The following ANKRD55 variants were observed in gnomAD, a reference collection of about 807,000 sequenced individuals.
ANKRD55 encodes ankyrin repeat domain 55, also known as ankyrin repeat domain-containing protein 55.
In ANKRD55, 41 loss-of-function variants were observed where a neutral mutation model predicts 60.6. The ratio of observed to expected loss-of-function variants is 0.68; its 90% CI spans 0.53 to 0.88. The LOEUF (loss-of-function observed/expected upper bound fraction) is 0.88, where lower values mean the gene tolerates loss of function less well. ANKRD55 is among the 40% of genes least tolerant of loss of function. The probability of loss-of-function intolerance (pLI) is 0.00; values close to 1 mark genes in which losing one functional copy is unlikely to be tolerated. For missense variants in ANKRD55, 732 were observed against 767.6 expected (o/e 0.95, Z 0.55); for synonymous variants, 264 against 290.3 (o/e 0.91, Z 0.92).
chr5:56,192,793 C>A, intron 2 of ANKRD55: 2 of 921,220 alleles, frequency 2.2e-6, no homozygotes, highest in Non-Finnish European at 1.7e-6. Context: ...TCGCTGAAAA[C>A]CTCTATTAGC....
At chr5:56,120,635 C>T (rs1273132563) in intron 8 of ANKRD55, among the ~76,000 whole-genome samples, 1 of 152,170 alleles carries the variant, frequency 6.6e-6, no homozygotes, top group Admixed American at 6.5e-5. Context: ...CATGGTGGCT[C>T]ACACCTGTAA....
intron 4 of ANKRD55, among the ~76,000 whole-genome samples, chr5:56,175,698 C>A (rs1352469597): frequency 6.6e-6 from 1 of 152,070 alleles, no homozygotes; most frequent in African/African-American, 2.4e-5. Flanking sequence ...ATCTTCCAGT[C>A]CCTCCCACCA....
At chr5:56,205,640 C>G (rs1244458128) in intron 2 of ANKRD55, among the ~76,000 whole-genome samples, 3 of 152,104 alleles carry the variant, frequency 2.0e-5, no homozygotes, top group Non-Finnish European at 4.4e-5. Flanking sequence ...GAGAACCAAA[C>G]AGTGAATCTT....
intron 10 of ANKRD55, among the ~76,000 whole-genome samples, chr5:56,109,074 CACACA>C (rs753486169): frequency 1.8e-4 from 27 of 146,162 alleles, no homozygotes; most frequent in African/African-American, 2.7e-4. Context: ...CACACACACA[CACACA>C]CCCCACCGCC....
At chr5:56,146,991 G>A (rs1236135192) in intron 6 of ANKRD55, 3 of 152,162 alleles carry the variant, frequency 2.0e-5, no homozygotes, top group African/African-American at 4.8e-5. Flanking sequence ...TACAGTTTCA[G>A]ACTTTAAGAG....
intron 6 of ANKRD55, among the ~76,000 whole-genome samples, chr5:56,150,684 G>C (rs2111774489): frequency 6.6e-6 from 1 of 152,206 alleles, no homozygotes. Context: ...AATCATTTGA[G>C]GTCAGGAGTT....
At chr5:56,107,436 G>T (rs1035400451) in intron 10 of ANKRD55, among the ~76,000 whole-genome samples, 2 of 152,072 alleles carry the variant, frequency 1.3e-5, no homozygotes, top group African/African-American at 4.8e-5. Flanking sequence ...CACGTTTATT[G>T]AATTTCTTTT....
At chr5:56,181,984 A>ATT (rs895454255) in intron 3 of ANKRD55, among the ~76,000 whole-genome samples, 2 of 150,156 alleles carry the variant, frequency 1.3e-5, no homozygotes, top group African/African-American at 4.9e-5. Context: ...CTATAGGCTT[A>ATT]TTTTTTTTTT....
chr5:56,120,437 C>T (rs530575475), intron 8 of ANKRD55, among the ~76,000 whole-genome samples: 4 of 152,348 alleles, frequency 2.6e-5, no homozygotes, highest in South Asian at 4.1e-4. Flanking sequence ...TGACTTTGTG[C>T]TCAACCTCAG....
At chr5:56,228,533 C>G (rs983005052) in intron 2 of ANKRD55, among the ~76,000 whole-genome samples, 4 of 151,744 alleles carry the variant, frequency 2.6e-5, no homozygotes, top group African/African-American at 9.7e-5. Context: ...TCAAGCAATT[C>G]TTGTGCCTCA....
rs1392917711 is a variant in ANKRD55 at position 56,183,626 on chromosome 5, A to G, written c.67T>C (p.Ser23Pro). 5 of 1,614,128 alleles carry G rather than the reference A, an allele frequency of 3.1e-6. No individual in the cohort carries two copies. The highest frequency in any genetic ancestry group is 1.7e-5 in the Admixed American group (1 of 60,012). Residue 23 changes from serine to proline, a missense_variant, in exon 3 of 12, where the codon TCT becomes CCT. Around this residue, in one of 3 missense-constraint regions of ANKRD55, gnomAD observed 131 missense variants for 142.7 expected, o/e 0.92. Coordinates refer to ENST00000341048, the MANE Select transcript of ANKRD55 (RefSeq NM_024669.3). ...ACCATGGTCAGGTCAACTTCCTCAGATGAGTCACCTTCATGCATAAAACAG... is the reference window on the plus strand; with the variant it reads ...ACCATGGTCAGGTCAACTTCCTCAGGTGAGTCACCTTCATGCATAAAACAG... ...SVFDQQRGDS[S>P]EEVDLTMVYQ...
intron 6 of ANKRD55, among the ~76,000 whole-genome samples, chr5:56,158,442 G>A (rs1211490061): frequency 6.6e-6 from 1 of 152,156 alleles, no homozygotes; most frequent in Admixed American, 6.5e-5. Context: ...GCCTGGCTAA[G>A]GAAAATTAGT....
intron 8 of ANKRD55, among the ~76,000 whole-genome samples, chr5:56,123,598 A>G: frequency 6.6e-6 from 1 of 152,138 alleles, no homozygotes; most frequent in Non-Finnish European, 1.5e-5. Context: ...TGTATTGCCA[A>G]TAAATTCAGC....
rs778109561 is a variant in ANKRD55, at chr5:56,100,197, T to C, written c.1831A>G (p.Ser611Gly). ...GTGGCCCACAGTTAATTTTCATCAC[T>C]GGTGGGGTTGGCAGAATGTTCACTC... ...EESEHSANPT[S>G]DEN The change falls in exon 12 of 12, where the codon AGT (serine) becomes GGT (glycine). Residue 611 changes from serine to glycine, a missense_variant. Ser to Gly is a moderately conservative substitution (Grantham distance 56). Coordinates refer to ENST00000341048, the MANE Select transcript of ANKRD55 (RefSeq NM_024669.3). 1.2e-6 allele frequency: 2 copies of C among 1,614,174 alleles called. No homozygotes were observed. Among genetic ancestry groups the C allele is most frequent in the Non-Finnish European group, 1.7e-6 (2 of 1,180,018 alleles).
intron 2 of ANKRD55, among the ~76,000 whole-genome samples, chr5:56,228,208 T>A (rs77029384): frequency 0.039 from 5,949 of 151,864 alleles, 151 homozygotes; most frequent in African/African-American, 0.074. Context: ...AGAGGAGGAG[T>A]TTATCCTGGA....
At chr5:56,153,807 G>A (rs893296489) in intron 6 of ANKRD55, among the ~76,000 whole-genome samples, 7 of 149,048 alleles carry the variant, frequency 4.7e-5, no homozygotes, top group South Asian at 2.1e-4. Flanking sequence ...ATTGTACTCC[G>A]GCCTGGACAG....
rs181148822 is a variant in ANKRD55, at chr5:56,104,007, C to G, written c.1631-1421G>C. On this transcript the variant is annotated intron_variant, in intron 10 of 11. Transcript: ENST00000341048. ...CCATTATATTTTATCCTTTTGAACA[C>G]TGAACATCAAATAACTTCAGGAGCC... 6.6e-4 allele frequency among the ~76,000 whole-genome samples: 101 copies of G among 152,242 alleles called. 1 individual carries two copies. Among genetic ancestry groups the G allele is most frequent in the Admixed American group, 1.2e-3 (18 of 15,286 alleles).
At chr5:56,205,180 C>A (rs1205302083) in intron 2 of ANKRD55, among the ~76,000 whole-genome samples, 1 of 152,210 alleles carries the variant, frequency 6.6e-6, no homozygotes, top group East Asian at 1.9e-4. Context: ...CCTGCCTCAG[C>A]CTCCTGAGTA....
chr5:56,111,080 GA>G, intron 10 of ANKRD55, 37 bp downstream of exon 10: 1 of 1,586,846 alleles, frequency 6.3e-7, no homozygotes. Flanking sequence ...TTCCAGTATA[GA>G]GCCTGCTGAG....
Sources: allele counts gnomAD v4.1 joint callset (sites outside exome capture counted in the v4.1 genomes callset), GRCh38; gene constraint gnomAD v4.1.1; regional missense constraint gnomAD v4.1.1; transcripts MANE v1.5; gene names NCBI Gene and HGNC (gene_info 2026-07-23, HGNC 2026-07-21).